The following ALAS1 variants were observed in gnomAD, a reference collection of about 807,000 sequenced individuals.
ALAS1 encodes 5'-aminolevulinate synthase 1, also known as 5-aminolevulinate synthase, non-specific, mitochondrial.
A neutral mutation model predicts 59.6 loss-of-function variants in ALAS1; 29 were observed. That is an observed-to-expected ratio of 0.49 (90% CI 0.36 to 0.66). The LOEUF is 0.66. Among genes scored for constraint, ALAS1 ranks in the 30% least tolerant of loss-of-function variants. The pLI, the probability that ALAS1 is intolerant of heterozygous loss-of-function variation, is 0.00. For missense variants in ALAS1, 690 were observed against 807.5 expected (o/e 0.85, Z 1.76); for synonymous variants, 299 against 296.6 (o/e 1.01, Z -0.08).
Position 52,203,983 on chromosome 3 carries a change from C to T in ALAS1, c.548C>T (p.Ser183Phe). 6.2e-7 allele frequency: 1 copy of T among 1,610,738 alleles called. No homozygotes were observed. The highest frequency in any genetic ancestry group is 8.5e-7 in the Non-Finnish European group (1 of 1,178,506). The change falls in exon 5 of 12, where the codon TCT becomes TTT. Residue 183 changes from serine (S) to phenylalanine (F), a missense_variant. Ser to Phe is a radical substitution (Grantham distance 155). Coordinates refer to ENST00000484952, the MANE Select transcript of ALAS1 (RefSeq NM_000688.6). ...CAAAAGCAAAGACCAGAAAGAGTGT[C>T]TCATCTTCTTCAAGATAACTTGCCA... ...IMQKQRPERV[S>F]HLLQDNLPKS...
chr3:52,199,065 C>G, intron 2 of ALAS1, 145 bp from the exon 3 acceptor site: 1 of 969,340 alleles, frequency 1.0e-6, no homozygotes, highest in Non-Finnish European at 1.5e-6. Flanking sequence ...TAGCTCACAT[C>G]AGTGCTGTCC....
At chr3:52,204,614 CT>C in intron 5 of ALAS1, 78 bp from the exon 6 acceptor site, 2 of 1,227,584 alleles carry the variant, frequency 1.6e-6, no homozygotes, top group Non-Finnish European at 2.3e-6. Flanking sequence ...AGTTGCCAAG[CT>C]GAGACTTGTT....
rs1349140867 is a variant in ALAS1 at position 52,212,265 on chromosome 3, A to G, written c.1607A>G (p.Asp536Gly). ...TGCTCTCATTGAACTTAGGTTGCAG[A>G]TGCTGCTAAAAACACAGAAGTCTGT... Reference protein sequence around the residue: ...PSHIIPVRVADAAKNTEVCDE... With the variant: ...PSHIIPVRVAGAAKNTEVCDE... Residue 536 changes from aspartate to glycine, a missense_variant, in exon 11 of 12, where the codon GAT (aspartate) becomes GGT (glycine). Physicochemically the swap from Asp to Gly is moderately conservative, Grantham distance 94. Coordinates refer to ENST00000484952, the MANE Select transcript of ALAS1 (RefSeq NM_000688.6). The G allele has an allele frequency of 1.2e-6, 2 of 1,613,304 alleles. No homozygotes were observed. The highest frequency in any genetic ancestry group is 8.5e-7 in the Non-Finnish European group (1 of 1,179,634).
At chr3:52,208,059 G>GA in intron 8 of ALAS1, 24 bp from the exon 9 acceptor site, 2 of 1,512,648 alleles carry the variant, frequency 1.3e-6, no homozygotes, top group South Asian at 2.7e-5. Flanking sequence ...AAGCTCTTCA[G>GA]AGCAGTCTCT....
At chr3:52,208,380 C>T in intron 9 of ALAS1, 133 bp downstream of exon 9, 3 of 999,854 alleles carry the variant, frequency 3.0e-6, no homozygotes, top group Non-Finnish European at 4.4e-6. Flanking sequence ...TTCTTTTGGC[C>T]CAGCTTAGTG....
intron 3 of ALAS1, among the ~76,000 whole-genome samples, chr3:52,200,021 G>C (rs991025247): frequency 6.6e-6 from 1 of 152,172 alleles, no homozygotes; most frequent in South Asian, 2.1e-4. Context: ...TCACCTTGTT[G>C]GTCCGGCTGG....
chr3:52,208,252 G>A lies in ALAS1; in HGVS notation c.1330+5G>A. 1 of 1,613,988 alleles carries A rather than the reference G, an allele frequency of 6.2e-7. No individual in the cohort carries two copies. The highest frequency in any genetic ancestry group is 8.5e-7 in the Non-Finnish European group (1 of 1,179,914). On this transcript the variant is annotated splice_donor_5th_base_variant and intron_variant, in intron 9 of 11. Transcript: ENST00000484952. The stretch of plus-strand genomic sequence containing the variant: ...ACATCATTTCTGGAACACTTGGTAT[G>A]TATACATTGTATTACATACACTAAA...
chr3:52,199,274 A>G lies in ALAS1; in HGVS notation c.33A>G (p.Leu11=), dbSNP rs1246874204. The G allele has an allele frequency of 3.7e-6, 6 of 1,614,052 alleles. No individual in the cohort carries two copies. The highest frequency in any genetic ancestry group is 8.5e-7 in the Non-Finnish European group (1 of 1,180,038). Residue 11 remains leucine, a synonymous_variant, in exon 3 of 12, where the codon TTA becomes TTG. Coordinates refer to ENST00000484952, the MANE Select transcript of ALAS1 (RefSeq NM_000688.6). MESVVRRCPF[L]SRVPQAFLQK... is the part of the protein sequence containing the mutation. ...GTGTTGTTCGCCGCTGCCCATTCTT[A>G]TCCCGAGTCCCCCAGGCCTTTCTGC...
rs767491612 is a variant in ALAS1, at chr3:52,205,970, C to T, written c.932C>T (p.Ser311Leu). 5 of 1,613,992 alleles carry T rather than the reference C, an allele frequency of 3.1e-6. No individual in the cohort carries two copies. The highest frequency in any genetic ancestry group is 2.2e-5 in the East Asian group (1 of 44,896). ...HGKDAALLFS[S>L]CFVANDSTLF... ...AAAGATGCCGCACTCTTGTTTTCCT[C>T]GTGCTTTGTGGCCAATGACTCAACC... Residue 311 changes from serine (S) to leucine (L), a missense_variant, in exon 7 of 12, where the codon TCG becomes TTG. Physicochemically the swap from Ser to Leu is moderately radical, Grantham distance 145. Transcript: ENST00000484952.
rs536971176 is a variant in ALAS1, at chr3:52,199,576, A to G, written c.199+136A>G. On this transcript the variant is annotated intron_variant, in intron 3 of 11. Transcript: ENST00000484952. ...TATGTGCAGGCTGGGCTCTGAGCACAGATTATCTCATATGATTGTCCCCCC... is the reference window on the plus strand; with the variant it reads ...TATGTGCAGGCTGGGCTCTGAGCACGGATTATCTCATATGATTGTCCCCCC... The G allele has an allele frequency of 7.6e-5, 61 of 802,166 alleles. No homozygotes were observed. In the Admixed American group the frequency reaches 9.0e-4, roughly 12 times the overall value. The allele number at this position is 802,166 out of a possible 1,614,324, so 49.7% of individuals were successfully genotyped here. A position where few individuals can be genotyped will look rare whatever the true frequency, so the allele number is the denominator to read the frequency against.
At position 52,198,849 on chromosome 3, in the gene ALAS1, G is replaced by T. The variant is rs1577958773; in HGVS notation, c.-33+1G>T. 1.3e-6 allele frequency: 2 copies of T among 1,535,664 alleles called. No individual in the cohort carries two copies. The highest frequency in any genetic ancestry group is 4.9e-5 in the East Asian group (2 of 40,908). ...TGAGTGGCTTCTTCTCCACCTAGAT[G>T]TAAGCCAAGATGTCTTATCTGCACT... On this transcript the variant is annotated splice_donor_variant, in intron 2 of 11. Coordinates refer to ENST00000484952, the MANE Select transcript of ALAS1 (RefSeq NM_000688.6). LOFTEE classifies it low-confidence loss of function (5UTR_SPLICE).
rs772358252 is a variant in ALAS1, at chr3:52,204,000, A to G, written c.565A>G (p.Asn189Asp). ...PERVSHLLQD[N>D]LPKSVSTFQY... ...AAGAGTGTCTCATCTTCTTCAAGATAACTTGCCAAAATGTAAGTCTCATTG... is the reference window on the plus strand; with the variant it reads ...AAGAGTGTCTCATCTTCTTCAAGATGACTTGCCAAAATGTAAGTCTCATTG... Residue 189 changes from asparagine (N) to aspartate (D), a missense_variant, in exon 5 of 12, where the codon AAC becomes GAC. By Grantham distance (23) the Asn-to-Asp change is conservative. Transcript: ENST00000484952. The G allele has an allele frequency of 6.2e-7, 1 of 1,604,962 alleles. No individual in the cohort carries two copies. Among genetic ancestry groups the G allele is most frequent in the Non-Finnish European group, 8.5e-7 (1 of 1,176,062 alleles).
intron 9 of ALAS1, among the ~76,000 whole-genome samples, chr3:52,209,215 C>G (rs1263363025): frequency 6.6e-6 from 1 of 151,620 alleles, no homozygotes. Flanking sequence ...TCTTTTTTTT[C>G]TTTTTTTTCC....
At position 52,202,531 on chromosome 3, in the gene ALAS1, T is replaced by C. The variant is rs1321438354; in HGVS notation, c.224T>C (p.Val75Ala). The C allele has an allele frequency of 6.2e-7, 1 of 1,613,992 alleles. No individual in the cohort carries two copies. The highest frequency in any genetic ancestry group is 8.5e-7 in the Non-Finnish European group (1 of 1,179,900). ...GAAGACAAAACTGCTAAGGCCAAGG[T>C]CCAACAGACTCCTGATGGATCCCAG... ...SEKDKTAKAK[V>A]QQTPDGSQQS... Residue 75 changes from valine to alanine, a missense_variant, in exon 4 of 12, where the codon GTC becomes GCC. Physicochemically the swap from Val to Ala is moderately conservative, Grantham distance 64. Coordinates refer to ENST00000484952, the MANE Select transcript of ALAS1 (RefSeq NM_000688.6).
chr3:52,206,119 T>A, intron 7 of ALAS1, 96 bp downstream of exon 7: 2 of 1,157,556 alleles, frequency 1.7e-6, no homozygotes, highest in South Asian at 3.1e-5. Flanking sequence ...AACCTCTCAA[T>A]TGAAAATCAT....
chr3:52,210,288 T>C (rs73835710), intron 9 of ALAS1, among the ~76,000 whole-genome samples: 9,221 of 152,110 alleles, frequency 0.061, 929 homozygotes, highest in African/African-American at 0.21. Flanking sequence ...GCAGCAAGCC[T>C]GGGTGAGAAA....
At chr3:52,213,973 CT>C (rs767305562) in intron 11 of ALAS1, 46 bp from the exon 12 acceptor site, 1 of 1,534,438 alleles carries the variant, frequency 6.5e-7, no homozygotes, top group Non-Finnish European at 8.9e-7. Flanking sequence ...TTTCATTTCT[CT>C]TGTGTATATT....
chr3:52,213,359 G>A (rs1264253169), intron 11 of ALAS1, among the ~76,000 whole-genome samples: 4 of 152,162 alleles, frequency 2.6e-5, no homozygotes, highest in Non-Finnish European at 5.9e-5. Flanking sequence ...AAACTGTCAC[G>A]TGGCAGTGTT....
chr3:52,206,756 G>C lies in ALAS1; in HGVS notation c.1165+5G>C, dbSNP rs762323162. On this transcript the variant is annotated splice_donor_5th_base_variant and intron_variant, in intron 8 of 11. Transcript: ENST00000484952. ...AAACTGTCCATTCAATGGATGGTAAGTGTGGATAGAGGTTCCTCTGAAACC... is the reference window on the plus strand; with the variant it reads ...AAACTGTCCATTCAATGGATGGTAACTGTGGATAGAGGTTCCTCTGAAACC... 6.2e-7 allele frequency: 1 copy of C among 1,613,598 alleles called. No homozygotes were observed. Among genetic ancestry groups the C allele is most frequent in the Middle Eastern group, 1.6e-4 (1 of 6,062 alleles).
Sources: allele counts gnomAD v4.1 joint callset (sites outside exome capture counted in the v4.1 genomes callset), GRCh38; gene constraint gnomAD v4.1.1; transcripts MANE v1.5; gene names NCBI Gene and HGNC (gene_info 2026-07-23, HGNC 2026-07-21).